PTPRD: variants seen among roughly 807,000 people sequenced by gnomAD.
PTPRD encodes receptor-type tyrosine-protein phosphatase delta.
In PTPRD, 34 loss-of-function variants were observed where a neutral mutation model predicts 214.5. The observed-to-expected ratio is 0.16, with a 90% confidence interval of 0.12 to 0.21. The LOEUF (loss-of-function observed/expected upper bound fraction) is 0.21, where lower values mean the gene tolerates loss of function less well. Among genes scored for constraint, PTPRD ranks in the 10% least tolerant of loss-of-function variants. The probability of loss-of-function intolerance (pLI) is 1.00; values close to 1 mark genes in which losing one functional copy is unlikely to be tolerated. For synonymous variants in PTPRD, 1,128 were observed against 845.7 expected (o/e 1.33, Z -5.79); for missense variants, 2,545 against 2,398.7 (o/e 1.06, Z -1.27).
chr9:9,765,644 C>T (rs1048480793), intron 6 of PTPRD, among the ~76,000 whole-genome samples: 32 of 152,094 alleles, frequency 2.1e-4, no homozygotes, highest in African/African-American at 7.7e-4. Flanking sequence ...AATCCTGAAG[C>T]TTACGTAAAT....
chr9:10,279,048 A>C (rs1231584690), intron 3 of PTPRD, among the ~76,000 whole-genome samples: 1 of 152,270 alleles, frequency 6.6e-6, no homozygotes, highest in Admixed American at 6.5e-5. Flanking sequence ...TGCTGGGCTC[A>C]CAGGCCTGAG....
intron 2 of PTPRD, among the ~76,000 whole-genome samples, chr9:10,504,318 C>T (rs1210073260): frequency 6.6e-6 from 1 of 151,834 alleles, no homozygotes; most frequent in Non-Finnish European, 1.5e-5. Context: ...TAATTTGACT[C>T]TCTAGACTTT....
At chr9:8,753,618 A>G (rs990802193) in intron 11 of PTPRD, among the ~76,000 whole-genome samples, 2 of 152,242 alleles carry the variant, frequency 1.3e-5, no homozygotes, top group Admixed American at 1.3e-4. Context: ...ATTGAAATAA[A>G]TAAATGAATT....
intron 14 of PTPRD, among the ~76,000 whole-genome samples, chr9:8,547,755 T>C (rs1387787472): frequency 1.3e-5 from 2 of 151,992 alleles, no homozygotes; most frequent in Non-Finnish European, 2.9e-5. Context: ...ATCACAAAGA[T>C]ATATACCCAC....
intron 6 of PTPRD, among the ~76,000 whole-genome samples, chr9:9,743,493 G>A (rs1204134523): frequency 6.6e-6 from 1 of 152,052 alleles, no homozygotes; most frequent in Non-Finnish European, 1.5e-5. Context: ...ACTCAAGTGA[G>A]GGCTTAATAT....
intron 10 of PTPRD, among the ~76,000 whole-genome samples, chr9:9,056,149 C>T (rs2099695844): frequency 6.6e-6 from 1 of 152,118 alleles, no homozygotes; most frequent in African/African-American, 2.4e-5. Flanking sequence ...GTATTTAGAA[C>T]AATCTACGAA....
At chr9:9,058,512 G>A (rs545117491) in intron 10 of PTPRD, among the ~76,000 whole-genome samples, 5,545 of 130,578 alleles carry the variant, frequency 0.042, 189 homozygotes, top group African/African-American at 0.086. Flanking sequence ...GCAGAGGCGC[G>A]ATCTCGGCTC....
At chr9:9,008,510 GC>G (rs1225667642) in intron 11 of PTPRD, among the ~76,000 whole-genome samples, 2 of 151,992 alleles carry the variant, frequency 1.3e-5, no homozygotes, top group African/African-American at 4.8e-5. Context: ...ACAGGCATGA[GC>G]CACCGCGCCC....
At position 8,368,846 on chromosome 9, in the gene PTPRD, T is replaced by A. The variant is rs1344268096; in HGVS notation, c.4661+7090A>T. 2.0e-5 allele frequency among the ~76,000 whole-genome samples: 3 copies of A among 152,236 alleles called. No individual in the cohort carries two copies. The East Asian group carries it at 5.8e-4, about 29-fold the overall frequency. ...TGCTTCTTATACAGAATTATTGGTGTATGAAAACAGAATCTGGCATAATGG... is the reference window on the plus strand; with the variant it reads ...TGCTTCTTATACAGAATTATTGGTGAATGAAAACAGAATCTGGCATAATGG... On this transcript the variant is annotated intron_variant, in intron 39 of 45. Transcript: ENST00000381196.
intron 12 of PTPRD, among the ~76,000 whole-genome samples, chr9:8,713,075 G>C (rs149507020): frequency 1.1e-3 from 173 of 152,288 alleles, no homozygotes; most frequent in African/African-American, 4.1e-3. Context: ...CTAGGTATGT[G>C]TGTGTGCTTT....
At chr9:10,052,337 C>G (rs1056356369) in intron 3 of PTPRD, among the ~76,000 whole-genome samples, 3 of 152,070 alleles carry the variant, frequency 2.0e-5, no homozygotes, top group African/African-American at 7.2e-5. Flanking sequence ...TTAAAAAAGG[C>G]GCCTGCTTAG....
chr9:8,799,457 T>C (rs754995998), intron 11 of PTPRD, among the ~76,000 whole-genome samples: 4 of 152,170 alleles, frequency 2.6e-5, no homozygotes, highest in Non-Finnish European at 5.9e-5. Context: ...AAGCACTAAA[T>C]ACATCAGCCT....
intron 5 of PTPRD, among the ~76,000 whole-genome samples, chr9:9,864,768 C>T: frequency 6.6e-6 from 1 of 152,088 alleles, no homozygotes; most frequent in Non-Finnish European, 1.5e-5. Flanking sequence ...CCCACCTTTG[C>T]CTCCCAGAGC....
chr9:9,961,451 G>A (rs2094358241), intron 4 of PTPRD, among the ~76,000 whole-genome samples: 1 of 152,140 alleles, frequency 6.6e-6, no homozygotes, highest in Non-Finnish European at 1.5e-5. Flanking sequence ...AATTTAATAT[G>A]ATAAAGTCGG....
chr9:8,575,256 G>A (rs1170893446), intron 14 of PTPRD, among the ~76,000 whole-genome samples: 5 of 152,054 alleles, frequency 3.3e-5, no homozygotes, highest in Admixed American at 6.6e-5. Flanking sequence ...GGAAAAAGGC[G>A]ATTATATATT....
intron 11 of PTPRD, among the ~76,000 whole-genome samples, chr9:8,908,363 T>C (rs1164106859): frequency 6.6e-6 from 1 of 152,154 alleles, no homozygotes; most frequent in Non-Finnish European, 1.5e-5. Context: ...AAAATAAAGT[T>C]ATTAAATTCA....
Position 8,562,847 on chromosome 9 carries a change from CTT to C in PTPRD, c.353-34070_353-34069del, listed in dbSNP as rs200639197. 7.8e-3 allele frequency among the ~76,000 whole-genome samples: 962 copies of C among 122,852 alleles called. 1 individual carries two copies. The highest frequency in any genetic ancestry group is 0.023 in the African/African-American group (766 of 33,562). The allele number at this position is 122,852 out of a possible 152,430, so 80.6% of individuals were successfully genotyped here. A position where few individuals can be genotyped will look rare whatever the true frequency, so the allele number is the denominator to read the frequency against. On this transcript the variant is annotated intron_variant, in intron 14 of 45. Transcript: ENST00000381196. ...TCCTAATCCAATCTGCAAAGATTTT[CTT>C]TTTTTTTTTTTTTGCAGAGGTTTTA... is the stretch of plus-strand genomic sequence containing the variant.
chr9:9,210,953 T>C (rs940411459), intron 9 of PTPRD, among the ~76,000 whole-genome samples: 18 of 152,064 alleles, frequency 1.2e-4, no homozygotes, highest in African/African-American at 3.9e-4. Flanking sequence ...TTTATTTTTC[T>C]GAAATTTCTT....
At chr9:9,484,964 G>C (rs1195474376) in intron 8 of PTPRD, among the ~76,000 whole-genome samples, 1 of 152,160 alleles carries the variant, frequency 6.6e-6, no homozygotes, top group Non-Finnish European at 1.5e-5. Context: ...GTGGGTTTCT[G>C]GGATTTAAAT....
Sources: allele counts gnomAD v4.1 joint callset (sites outside exome capture counted in the v4.1 genomes callset), GRCh38; gene constraint gnomAD v4.1.1; transcripts MANE v1.5; gene names NCBI Gene and HGNC (gene_info 2026-07-23, HGNC 2026-07-21).